Variants in RXRA observed in about 807,000 individuals in gnomAD.
RXRA encodes retinoic acid receptor RXR-alpha.
Under a neutral mutation model 44.5 loss-of-function variants are expected in RXRA, and 5 were observed. The ratio of observed to expected loss-of-function variants is 0.11; its 90% CI spans 0.06 to 0.24. The LOEUF (loss-of-function observed/expected upper bound fraction) is 0.24, where lower values mean the gene tolerates loss of function less well. Among genes scored for constraint, RXRA ranks in the 10% least tolerant of loss-of-function variants. The pLI, the probability that RXRA is intolerant of heterozygous loss-of-function variation, is 1.00. For synonymous variants in RXRA, 291 were observed against 271.4 expected (o/e 1.07, Z -0.71); for missense variants, 412 against 646.5 (o/e 0.64, Z 3.93).
At chr9:134,346,302 A>G (rs781953880) in intron 1 of RXRA, among the ~76,000 whole-genome samples, 3 of 152,012 alleles carry the variant, frequency 2.0e-5, no homozygotes, top group Non-Finnish European at 4.4e-5. Context: ...TGTGCTGACT[A>G]ATGTGATGTC....
intron 1 of RXRA, among the ~76,000 whole-genome samples, chr9:134,367,833 C>T (rs1830433373): frequency 6.6e-6 from 1 of 152,194 alleles, no homozygotes; most frequent in South Asian, 2.1e-4. Context: ...CAGCCTGTCT[C>T]TGGCAGCCGA....
At chr9:134,409,916 C>T (rs375841464) in intron 4 of RXRA, among the ~76,000 whole-genome samples, 3 of 152,296 alleles carry the variant, frequency 2.0e-5, no homozygotes, top group Middle Eastern at 3.4e-3. Flanking sequence ...GGACACCCTT[C>T]CTCTGTCCTC....
intron 1 of RXRA, among the ~76,000 whole-genome samples, chr9:134,328,735 C>T (rs557391196): frequency 7.2e-5 from 11 of 152,294 alleles, no homozygotes; most frequent in East Asian, 3.9e-4. Flanking sequence ...TGTCTTGGCC[C>T]GGCTGGCCGA....
At chr9:134,408,006 G>T in intron 2 of RXRA, 143 bp from the exon 3 acceptor site, 1 of 592,676 alleles carries the variant, frequency 1.7e-6, no homozygotes, top group East Asian at 3.3e-5. Context: ...CAGCGTGGCG[G>T]GTGGGGGGCA....
At chr9:134,395,319 C>T (rs1564283877) in intron 1 of RXRA, among the ~76,000 whole-genome samples, 1 of 152,258 alleles carries the variant, frequency 6.6e-6, no homozygotes, top group Non-Finnish European at 1.5e-5. Flanking sequence ...CTGCTTCCTT[C>T]TCACCCTTTC....
chr9:134,355,378 C>T (rs946119358), intron 1 of RXRA, among the ~76,000 whole-genome samples: 2 of 152,240 alleles, frequency 1.3e-5, no homozygotes, highest in Non-Finnish European at 1.5e-5. Context: ...CGACTCCTTC[C>T]CAGCTTCAGT....
chr9:134,407,766 C>G lies in RXRA; in HGVS notation c.280-383C>G, dbSNP rs1382197260. On this transcript the variant is annotated intron_variant, in intron 2 of 9. Coordinates refer to ENST00000481739, the MANE Select transcript of RXRA (RefSeq NM_002957.6). The surrounding 1 kb of genome is among the most constrained non-coding windows in gnomAD (Gnocchi z 4.8). ...CCAGAGTGCCTGCCTCATGGAGTGT[C>G]CGGGGGCACCCAGCGGGGCTGGGCA... Among the ~76,000 whole-genome samples, 1 of 152,096 alleles carries G rather than the reference C, an allele frequency of 6.6e-6. No homozygotes were observed. The highest frequency in any genetic ancestry group is 2.4e-5 in the African/African-American group (1 of 41,412).
In RXRA at chr9:134,352,225, ACT is replaced by A. The variant is rs1315494845; in HGVS notation, c.28+25569_28+25570del. 2.6e-5 allele frequency among the ~76,000 whole-genome samples: 4 copies of A among 151,580 alleles called. No homozygotes were observed. In the East Asian group the frequency reaches 7.8e-4, roughly 29 times the overall value. On this transcript the variant is annotated intron_variant, in intron 1 of 9. Coordinates refer to ENST00000481739, the MANE Select transcript of RXRA (RefSeq NM_002957.6). ...ATGAGATGAGGAAAGGGGCAGACTG[ACT>A]CTGCGCCTCCTGGGGTGCCTGGAAA...
At chr9:134,416,508 T>C (rs1289768764) in intron 4 of RXRA, among the ~76,000 whole-genome samples, 1 of 152,052 alleles carries the variant, frequency 6.6e-6, no homozygotes, top group Middle Eastern at 3.2e-3. Flanking sequence ...TGGAGCTGGG[T>C]GGGCCGTCTC....
rs1016083416 is a variant in RXRA at position 134,440,582 on chromosome 9, C to T, written c.*3968C>T. 2.0e-5 allele frequency: 3 copies of T among 152,294 alleles called. No individual in the cohort carries two copies. The highest frequency in any genetic ancestry group is 4.8e-5 in the African/African-American group (2 of 41,460). The allele number at this position is 152,294 out of a possible 1,614,324, so 9.4% of individuals were successfully genotyped here. A position where few individuals can be genotyped will look rare whatever the true frequency, so the allele number is the denominator to read the frequency against. On this transcript the variant is annotated 3_prime_UTR_variant, in exon 10 of 10. Coordinates refer to ENST00000481739, the MANE Select transcript of RXRA (RefSeq NM_002957.6). ...GTTTAAAATACATCGCCATTCAGTT[C>T]GTTTGTTCCGTGTGGGGACTTTTTT...
At position 134,366,078 on chromosome 9, in the gene RXRA, C is replaced by G. The variant is rs1340996900; in HGVS notation, c.29-35554C>G. On this transcript the variant is annotated intron_variant, in intron 1 of 9. Coordinates refer to ENST00000481739, the MANE Select transcript of RXRA (RefSeq NM_002957.6). The surrounding 1 kb of genome is among the most constrained non-coding windows in gnomAD (Gnocchi z 5.9). ...AGGTGGGGCTTGGCATCTTCAGCAT[C>G]TCTCGTGCCTCAGTAACAACCTGGG... 6.6e-6 allele frequency among the ~76,000 whole-genome samples: 1 copy of G among 152,152 alleles called. No homozygotes were observed. Among genetic ancestry groups the G allele is most frequent in the Non-Finnish European group, 1.5e-5 (1 of 68,024 alleles).
chr9:134,428,660 C>G (rs1290428122), intron 6 of RXRA, among the ~76,000 whole-genome samples: 1 of 152,230 alleles, frequency 6.6e-6, no homozygotes, highest in Admixed American at 6.5e-5. Flanking sequence ...TCTCACGCAC[C>G]TGCCTTCAGT....
At position 134,407,811 on chromosome 9, in the gene RXRA, G is replaced by A. The variant is rs1831079049; in HGVS notation, c.280-338G>A. ...TGGGCACTGCCAGGGGCTCAGTAATGAGAGGCAGCTCTCATTTAGGTGGGC... is the reference window on the plus strand; with the variant it reads ...TGGGCACTGCCAGGGGCTCAGTAATAAGAGGCAGCTCTCATTTAGGTGGGC... On this transcript the variant is annotated intron_variant, in intron 2 of 9. Transcript: ENST00000481739. The surrounding 1 kb of genome is among the most constrained non-coding windows in gnomAD (Gnocchi z 4.8). 6.6e-6 allele frequency among the ~76,000 whole-genome samples: 1 copy of A among 152,052 alleles called. No individual in the cohort carries two copies. The highest frequency in any genetic ancestry group is 1.5e-5 in the Non-Finnish European group (1 of 67,978).
At chr9:134,387,305 G>T (rs1830734311) in intron 1 of RXRA, among the ~76,000 whole-genome samples, 1 of 152,248 alleles carries the variant, frequency 6.6e-6, no homozygotes, top group South Asian at 2.1e-4. Context: ...GAGTGCTCAG[G>T]TGCCTTCACA....
chr9:134,427,695 G>A (rs1831457672), intron 6 of RXRA, among the ~76,000 whole-genome samples: 1 of 152,216 alleles, frequency 6.6e-6, no homozygotes. Flanking sequence ...GGGTGGGTAT[G>A]TGCTGGGAGG....
Position 134,341,132 on chromosome 9 carries a change from A to T in RXRA, c.28+14473A>T, listed in dbSNP as rs147365315. ...GGAGAGGTGGGTGGCTGGAGCTGTG[A>T]CCGCAGGCCCCGCCGTGGGTGGTGG... is the stretch of plus-strand genomic sequence containing the variant. On this transcript the variant is annotated intron_variant, in intron 1 of 9. Transcript: ENST00000481739. 4.3e-3 allele frequency among the ~76,000 whole-genome samples: 656 copies of T among 152,170 alleles called. 7 individuals are homozygous for T. Among genetic ancestry groups the T allele is most frequent in the African/African-American group, 0.015 (612 of 41,524 alleles).
chr9:134,373,412 G>A (rs1588271108), intron 1 of RXRA, among the ~76,000 whole-genome samples: 2 of 152,358 alleles, frequency 1.3e-5, no homozygotes, highest in South Asian at 4.1e-4. Context: ...CCCTTCTCGT[G>A]TGTGGTCTCC....
intron 6 of RXRA, chr9:134,424,804 G>A (rs1831406105): frequency 2.0e-6 from 2 of 985,346 alleles, no homozygotes; most frequent in African/African-American, 3.5e-5. Context: ...GGGGGCTCAG[G>A]TCAGGATCCA....
chr9:134,416,295 C>T (rs992276461), intron 4 of RXRA, among the ~76,000 whole-genome samples: 18 of 152,164 alleles, frequency 1.2e-4, no homozygotes, highest in Non-Finnish European at 2.1e-4. Flanking sequence ...GCAGCCAGGG[C>T]TCATGCCTCA....
Sources: gnomAD v4.1 joint callset for allele counts (sites outside exome capture counted in the v4.1 genomes callset) on GRCh38, gnomAD v4.1.1 for gene constraint, Gnocchi (gnomAD v3.1) non-coding constraint, MANE v1.5 for transcripts, NCBI Gene and HGNC (gene_info 2026-07-23, HGNC 2026-07-21) for gene names.